PARD3B: variants seen among roughly 807,000 people sequenced by gnomAD.
The protein encoded by PARD3B is par-3 family cell polarity regulator beta, also known as partitioning defective 3 homolog B.
PARD3B carries 103 observed loss-of-function variants against 130.2 expected under a neutral mutation model. The observed-to-expected ratio is 0.79, with a 90% CI of 0.67 to 0.93. PARD3B has a LOEUF of 0.93. PARD3B is among the 40% of genes least tolerant of loss of function. The probability of loss-of-function intolerance (pLI) is 0.00; values close to 1 mark genes in which losing one functional copy is unlikely to be tolerated. For missense variants in PARD3B, 1,609 were observed against 1,499.2 expected, an observed-to-expected ratio of 1.07 and a Z score of -1.21; for synonymous variants, 583 against 553.2, an observed-to-expected ratio of 1.05 and a Z score of -0.76.
chr2:204,607,322 T>C (rs1262165308), intron 1 of PARD3B, among the ~76,000 whole-genome samples: 1 of 152,186 alleles, frequency 6.6e-6, no homozygotes, highest in Non-Finnish European at 1.5e-5. Context: ...AGGATCAGTA[T>C]AGAACTTTGC....
chr2:204,580,806 C>G (rs758390052), intron 1 of PARD3B, among the ~76,000 whole-genome samples: 51 of 152,280 alleles, frequency 3.3e-4, no homozygotes, highest in Admixed American at 5.9e-4. Context: ...TCTCTAATAA[C>G]AATCTGCGTG....
chr2:204,758,266 A>G (rs2040760377), intron 2 of PARD3B, among the ~76,000 whole-genome samples: 1 of 152,100 alleles, frequency 6.6e-6, no homozygotes, highest in Non-Finnish European at 1.5e-5. Flanking sequence ...TCACTTGGCT[A>G]AAACAAGTCA....
intron 1 of PARD3B, among the ~76,000 whole-genome samples, chr2:204,559,354 C>A (rs1467553425): frequency 6.6e-6 from 1 of 152,072 alleles, no homozygotes; most frequent in Non-Finnish European, 1.5e-5. Context: ...AAGAAAAAAA[C>A]AACCCCATCA....
intron 16 of PARD3B, among the ~76,000 whole-genome samples, chr2:205,260,185 A>C (rs2040248375): frequency 6.6e-6 from 1 of 152,136 alleles, no homozygotes. Flanking sequence ...TAATACAGTA[A>C]AAAATAATGT....
chr2:205,040,201 A>G lies in PARD3B; in HGVS notation c.395-7380A>G, dbSNP rs185216127. Among the ~76,000 whole-genome samples, 55 of 152,276 alleles carry G rather than the reference A, an allele frequency of 3.6e-4. 1 individual carries two copies. Among genetic ancestry groups the G allele is most frequent in the Non-Finnish European group, 1.5e-5 (1 of 68,008 alleles). The stretch of plus-strand genomic sequence containing the variant: ...CTGGTCTCGAACTCCTGACCTCGTG[A>G]TCCACCCACCTTGGCCTCCCAAAGT... On this transcript the variant is annotated intron_variant, in intron 3 of 22. Coordinates refer to ENST00000406610, the MANE Select transcript of PARD3B (RefSeq NM_001302769.2).
At chr2:205,054,755 C>G (rs1699529130) in intron 4 of PARD3B, among the ~76,000 whole-genome samples, 2 of 151,996 alleles carry the variant, frequency 1.3e-5, no homozygotes, top group Non-Finnish European at 2.9e-5. Flanking sequence ...TTCTAGAAAG[C>G]CTAAGACATG....
chr2:204,686,302 T>A lies in PARD3B; in HGVS notation c.222+20T>A. 3 of 1,550,152 alleles carry A rather than the reference T, an allele frequency of 1.9e-6. No individual in the cohort carries two copies. The highest frequency in any genetic ancestry group is 3.4e-4 in the Middle Eastern group (2 of 5,928). On this transcript the variant is annotated intron_variant, in intron 2 of 22. Transcript: ENST00000406610. ...GACAAGGTAGATAACTCTAAAAATGTGCCTCTTTGTTTTCCTCTACAGAGC... is the reference window on the plus strand; with the variant it reads ...GACAAGGTAGATAACTCTAAAAATGAGCCTCTTTGTTTTCCTCTACAGAGC...
chr2:204,580,401 G>T (rs2032493016), intron 1 of PARD3B, among the ~76,000 whole-genome samples: 1 of 151,978 alleles, frequency 6.6e-6, no homozygotes, highest in Non-Finnish European at 1.5e-5. Context: ...CATGCCCAGG[G>T]TCACACTGGA....
intron 2 of PARD3B, among the ~76,000 whole-genome samples, chr2:204,935,334 C>T (rs1425990025): frequency 1.3e-4 from 19 of 149,086 alleles, no homozygotes; most frequent in African/African-American, 4.7e-4. Flanking sequence ...TCAAGACCAT[C>T]CTGGCTAACA....
rs2055522746 is a variant in PARD3B at position 205,619,113 on chromosome 2, T to A, written c.*3300T>A. 6.6e-6 allele frequency: 1 copy of A among 152,100 alleles called. No individual in the cohort carries two copies. The highest frequency in any genetic ancestry group is 6.5e-5 in the Admixed American group (1 of 15,280). The allele number at this position is 152,100 out of a possible 1,614,324, so 9.4% of individuals were successfully genotyped here. ...TAGCTATAGTTTTCCACCAAGTCAA[T>A]CAAATTAAAACATGACTCATTGTCC... On this transcript the variant is annotated 3_prime_UTR_variant, in exon 23 of 23. Coordinates refer to ENST00000406610, the MANE Select transcript of PARD3B (RefSeq NM_001302769.2).
rs558976315 is a variant in PARD3B, at chr2:205,236,349, A to G, written c.2141-9429A>G. 2.6e-5 allele frequency among the ~76,000 whole-genome samples: 4 copies of G among 152,308 alleles called. No individual in the cohort carries two copies. The South Asian group carries it at 6.2e-4, about 24-fold the overall frequency. On this transcript the variant is annotated intron_variant, in intron 15 of 22. Coordinates refer to ENST00000406610, the MANE Select transcript of PARD3B (RefSeq NM_001302769.2). The stretch of plus-strand genomic sequence containing the variant: ...TTCCCCAACTCATTCTATGAAGCCA[A>G]CATTACTCTGATACCAAAATCAGAC...
chr2:205,522,561 T>C (rs888171445), intron 21 of PARD3B, among the ~76,000 whole-genome samples: 17 of 146,314 alleles, frequency 1.2e-4, no homozygotes, highest in African/African-American at 4.3e-4. Context: ...TATTCTCTAA[T>C]AAATACTTAC....
intron 2 of PARD3B, among the ~76,000 whole-genome samples, chr2:204,883,021 C>A (rs1223553034): frequency 6.6e-6 from 1 of 152,102 alleles, no homozygotes; most frequent in African/African-American, 2.4e-5. Flanking sequence ...TAGTCTATGT[C>A]TAGAAAGCAT....
At chr2:205,074,595 T>C (rs1017879505) in intron 4 of PARD3B, among the ~76,000 whole-genome samples, 2 of 152,194 alleles carry the variant, frequency 1.3e-5, no homozygotes, top group African/African-American at 4.8e-5. Context: ...GGTGAGCTCT[T>C]AGTAATCATG....
intron 20 of PARD3B, among the ~76,000 whole-genome samples, chr2:205,489,119 A>G (rs1488809461): frequency 6.6e-6 from 1 of 152,092 alleles, no homozygotes; most frequent in East Asian, 1.9e-4. Context: ...TTTCAACTAT[A>G]TTTTAAAATC....
intron 3 of PARD3B, among the ~76,000 whole-genome samples, chr2:204,979,002 A>C (rs1290476615): frequency 6.6e-6 from 1 of 151,710 alleles, no homozygotes; most frequent in African/African-American, 2.4e-5. Context: ...TTTTAATGTA[A>C]AAATAAAGGA....
At chr2:205,031,886 A>G (rs1283830158) in intron 3 of PARD3B, among the ~76,000 whole-genome samples, 1 of 152,098 alleles carries the variant, frequency 6.6e-6, no homozygotes, top group Admixed American at 6.6e-5. Flanking sequence ...TGAAGTTTTG[A>G]TCTTTGGCTT....
At chr2:204,821,519 G>T (rs958196584) in intron 2 of PARD3B, among the ~76,000 whole-genome samples, 4 of 134,994 alleles carry the variant, frequency 3.0e-5, no homozygotes, top group African/African-American at 1.1e-4. Context: ...ATGGACACAG[G>T]AAGGGGAACA....
intron 2 of PARD3B, among the ~76,000 whole-genome samples, chr2:204,912,256 G>A (rs992780564): frequency 5.9e-5 from 9 of 152,268 alleles, no homozygotes; most frequent in Admixed American, 2.6e-4. Context: ...ATGAAAATGC[G>A]TAAGTGATGC....
Sources: gnomAD v4.1 joint callset for allele counts (sites outside exome capture counted in the v4.1 genomes callset) on GRCh38, gnomAD v4.1.1 for gene constraint, MANE v1.5 for transcripts, NCBI Gene and HGNC (gene_info 2026-07-23, HGNC 2026-07-21) for gene names.